The following ADGRB3 variants were observed in gnomAD, a reference collection of about 807,000 sequenced individuals.
ADGRB3 encodes the protein brain-specific angiogenesis inhibitor 3.
In ADGRB3, 37 loss-of-function variants were observed where a neutral mutation model predicts 193.4. The observed-to-expected ratio is 0.19, with a 90% CI of 0.15 to 0.25. ADGRB3 has a LOEUF of 0.25. ADGRB3 is among the 10% of genes least tolerant of loss of function. The probability of loss-of-function intolerance (pLI) is 1.00; values close to 1 mark genes in which losing one functional copy is unlikely to be tolerated. For missense variants in ADGRB3, 1,637 were observed against 1,852.9 expected, an observed-to-expected ratio of 0.88 and a Z score of 2.14; for synonymous variants, 690 against 644.2, an observed-to-expected ratio of 1.07 and a Z score of -1.08.
At chr6:68,716,915 T>A (rs1364267769) in intron 3 of ADGRB3, among the ~76,000 whole-genome samples, 2 of 151,730 alleles carry the variant, frequency 1.3e-5, no homozygotes, top group Non-Finnish European at 2.9e-5. Context: ...AAGATTCAAA[T>A]ATTTTTTCTT....
intron 3 of ADGRB3, among the ~76,000 whole-genome samples, chr6:68,721,449 G>C (rs1271212832): frequency 6.6e-6 from 1 of 150,968 alleles, no homozygotes; most frequent in Non-Finnish European, 1.5e-5. Context: ...ACACAGGAAG[G>C]GGAACATCAC....
intron 17 of ADGRB3, among the ~76,000 whole-genome samples, chr6:69,224,078 C>T (rs1469537536): frequency 6.6e-6 from 1 of 151,712 alleles, no homozygotes; most frequent in Non-Finnish European, 1.5e-5. Flanking sequence ...TAATTTGTCA[C>T]CCTGAGATAA....
intron 8 of ADGRB3, among the ~76,000 whole-genome samples, chr6:68,974,233 A>T (rs915622262): frequency 4.6e-5 from 7 of 152,162 alleles, no homozygotes; most frequent in Non-Finnish European, 1.0e-4. Context: ...ACCTCTATAA[A>T]TAGTCTACAC....
chr6:69,181,741 C>A (rs1169497825), intron 17 of ADGRB3, among the ~76,000 whole-genome samples: 4 of 152,168 alleles, frequency 2.6e-5, no homozygotes, highest in African/African-American at 7.2e-5. Context: ...TTGGAAACTG[C>A]TTTTATGTAG....
At chr6:69,334,514 A>G (rs1233341243) in intron 24 of ADGRB3, among the ~76,000 whole-genome samples, 1 of 152,214 alleles carries the variant, frequency 6.6e-6, no homozygotes, top group Non-Finnish European at 1.5e-5. Flanking sequence ...TTCACTGCAG[A>G]CAAGTTTCTG....
chr6:68,900,163 A>G (rs1314328542), intron 3 of ADGRB3, among the ~76,000 whole-genome samples: 1 of 152,166 alleles, frequency 6.6e-6, no homozygotes. Flanking sequence ...TAATAATAGG[A>G]TGACAGTCAA....
intron 3 of ADGRB3, among the ~76,000 whole-genome samples, chr6:68,855,955 G>A (rs1764975977): frequency 6.6e-6 from 1 of 152,172 alleles, no homozygotes; most frequent in Non-Finnish European, 1.5e-5. Context: ...AACAAGGTGA[G>A]AGATGGTTGA....
At chr6:68,699,835 G>T (rs1356720042) in intron 3 of ADGRB3, among the ~76,000 whole-genome samples, 1 of 151,816 alleles carries the variant, frequency 6.6e-6, no homozygotes, top group African/African-American at 2.4e-5. Context: ...TGGACAAATA[G>T]AAGACAACCC....
chr6:68,649,154 A>T (rs1007650975), intron 3 of ADGRB3, among the ~76,000 whole-genome samples: 1 of 152,140 alleles, frequency 6.6e-6, no homozygotes, highest in Non-Finnish European at 1.5e-5. Context: ...AGAGCTATAA[A>T]TTTTCTCACT....
At position 68,931,874 on chromosome 6, in the gene ADGRB3, T is replaced by C. The variant is rs543460892; in HGVS notation, c.868+1205T>C. Among the ~76,000 whole-genome samples the C allele has an allele frequency of 3.3e-5, 5 of 152,312 alleles. No homozygotes were observed. The South Asian group carries it at 6.2e-4, about 19-fold the overall frequency. On this transcript the variant is annotated intron_variant, in intron 4 of 31. Coordinates refer to ENST00000370598, the MANE Select transcript of ADGRB3 (RefSeq NM_001704.3). Reference sequence around the variant, plus strand: ...ATTCACTTTTAGTTTTTTTGAGATATATATTGCAACCAAATACAGAAATGT... The same window carrying C: ...ATTCACTTTTAGTTTTTTTGAGATACATATTGCAACCAAATACAGAAATGT...
chr6:68,695,528 C>T (rs868144297), intron 3 of ADGRB3, among the ~76,000 whole-genome samples: 5 of 152,074 alleles, frequency 3.3e-5, no homozygotes, highest in Middle Eastern at 3.4e-3. Context: ...TCCAAGATGG[C>T]GTCAGGATGT....
At chr6:69,332,498 G>A in intron 23 of ADGRB3, 1 of 985,386 alleles carries the variant, frequency 1.0e-6, no homozygotes, top group Non-Finnish European at 1.2e-6. Flanking sequence ...CAAATCATCA[G>A]CACCTTTTGC....
chr6:69,156,311 C>T (rs1774838870), intron 17 of ADGRB3, among the ~76,000 whole-genome samples: 1 of 152,070 alleles, frequency 6.6e-6, no homozygotes, highest in Non-Finnish European at 1.5e-5. Flanking sequence ...GGCTCAGAGG[C>T]CCTGTGTTAG....
intron 3 of ADGRB3, among the ~76,000 whole-genome samples, chr6:68,694,325 A>T (rs1765122584): frequency 6.6e-6 from 1 of 152,078 alleles, no homozygotes; most frequent in African/African-American, 2.4e-5. Flanking sequence ...AACTTGGTTA[A>T]TAAGATGTAT....
intron 20 of ADGRB3, among the ~76,000 whole-genome samples, chr6:69,250,690 A>G (rs1195236678): frequency 1.3e-5 from 2 of 152,208 alleles, no homozygotes; most frequent in Non-Finnish European, 2.9e-5. Context: ...CTGACTCATC[A>G]TTCCAGGTGT....
At chr6:69,261,709 T>G (rs1411995497) in intron 20 of ADGRB3, among the ~76,000 whole-genome samples, 4 of 152,018 alleles carry the variant, frequency 2.6e-5, no homozygotes, top group African/African-American at 9.7e-5. Flanking sequence ...TGGTAAATAT[T>G]TGGTTTATGT....
intron 3 of ADGRB3, among the ~76,000 whole-genome samples, chr6:68,725,919 G>T (rs1765665193): frequency 6.6e-6 from 1 of 151,496 alleles, no homozygotes; most frequent in South Asian, 2.1e-4. Flanking sequence ...TTGTTGTCTT[G>T]GTAGTCAAGA....
intron 13 of ADGRB3, among the ~76,000 whole-genome samples, chr6:69,036,820 A>C (rs1770885878): frequency 6.6e-6 from 1 of 152,220 alleles, no homozygotes; most frequent in African/African-American, 2.4e-5. Context: ...GAGCCAAGCC[A>C]TGCAGAGCTT....
chr6:69,202,243 A>G (rs975581049), intron 17 of ADGRB3, among the ~76,000 whole-genome samples: 2 of 152,182 alleles, frequency 1.3e-5, no homozygotes, highest in Non-Finnish European at 2.9e-5. Context: ...TGGCTTTTCA[A>G]TATTAAGGAC....
Sources: allele counts gnomAD v4.1 joint callset (sites outside exome capture counted in the v4.1 genomes callset), GRCh38; gene constraint gnomAD v4.1.1; transcripts MANE v1.5; gene names NCBI Gene and HGNC (gene_info 2026-07-23, HGNC 2026-07-21).